The following SLC24A3 variants were observed in gnomAD, a reference collection of about 807,000 sequenced individuals.
SLC24A3 encodes sodium/potassium/calcium exchanger 3.
SLC24A3 carries 28 observed loss-of-function variants against 75.8 expected under a neutral mutation model. The ratio of observed to expected loss-of-function variants is 0.37; its 90% CI spans 0.27 to 0.51. The LOEUF (loss-of-function observed/expected upper bound fraction) is 0.51. Among genes scored for constraint, SLC24A3 ranks in the 20% least tolerant of loss-of-function variants. The pLI, the probability that SLC24A3 is intolerant of heterozygous loss-of-function variation, is 0.94. For synonymous variants in SLC24A3, 372 were observed against 334.1 expected, an observed-to-expected ratio of 1.11 and a Z score of -1.24; for missense variants, 663 against 847.8, an observed-to-expected ratio of 0.78 and a Z score of 2.71.
intron 15 of SLC24A3, among the ~76,000 whole-genome samples, chr20:19,703,426 C>A (rs1232414233): frequency 6.6e-6 from 1 of 152,198 alleles, no homozygotes; most frequent in African/African-American, 2.4e-5. Flanking sequence ...CCATCTGACA[C>A]ATAGAAGGAC....
intron 1 of SLC24A3, chr20:19,265,657 C>G (rs1054834250): frequency 4.6e-5 from 7 of 152,274 alleles, no homozygotes; most frequent in African/African-American, 1.7e-4. Flanking sequence ...ATTAGTCTGG[C>G]TTCAGGTATC....
chr20:19,528,272 G>A (rs1363239460), intron 3 of SLC24A3, among the ~76,000 whole-genome samples: 2 of 152,148 alleles, frequency 1.3e-5, no homozygotes, highest in African/African-American at 4.8e-5. Flanking sequence ...CAAAGTGCTG[G>A]TTCAGGGGAC....
intron 2 of SLC24A3, among the ~76,000 whole-genome samples, chr20:19,343,079 A>G (rs1985308536): frequency 6.7e-6 from 1 of 148,890 alleles, no homozygotes. Context: ...CAAAAAAAAA[A>G]AAAAAGAAAA....
intron 2 of SLC24A3, among the ~76,000 whole-genome samples, chr20:19,308,893 C>T (rs963906347): frequency 4.6e-5 from 7 of 152,138 alleles, no homozygotes; most frequent in African/African-American, 7.2e-5. Context: ...TCTCTGCAAA[C>T]GCCAGGCCAT....
rs145859209 is a variant in SLC24A3 at position 19,498,256 on chromosome 20, G to A, written c.272-17232G>A. On this transcript the variant is annotated intron_variant, in intron 2 of 16. Coordinates refer to ENST00000328041, the MANE Select transcript of SLC24A3 (RefSeq NM_020689.4). ...TAATTATTTCATTATATATTACAAA[G>A]TAATAATAATAGAAATAAAGTACAC... Among the ~76,000 whole-genome samples, 581 of 152,242 alleles carry A rather than the reference G, an allele frequency of 3.8e-3. 4 individuals carry two copies. The highest frequency in any genetic ancestry group is 0.013 in the African/African-American group (550 of 41,532).
At position 19,282,562 on chromosome 20, in the gene SLC24A3, C is replaced by A. The variant is rs534848444; in HGVS notation, c.271+1475C>A. 5.2e-5 allele frequency among the ~76,000 whole-genome samples: 8 copies of A among 152,384 alleles called. No homozygotes were observed. The East Asian group carries it at 1.5e-3, about 29-fold the overall frequency. On this transcript the variant is annotated intron_variant, in intron 2 of 16. Coordinates refer to ENST00000328041, the MANE Select transcript of SLC24A3 (RefSeq NM_020689.4). The stretch of plus-strand genomic sequence containing the variant: ...GCCTGAAAAGGCATAGCAGGGAAGG[C>A]ACAGCTTCTGTGCCAAGAACAGATC...
At chr20:19,416,551 C>G (rs992707137) in intron 2 of SLC24A3, among the ~76,000 whole-genome samples, 1 of 152,158 alleles carries the variant, frequency 6.6e-6, no homozygotes, top group Admixed American at 6.5e-5. Context: ...GTGGCTCTGC[C>G]CAAGGACACC....
At chr20:19,659,838 C>T (rs922886290) in intron 7 of SLC24A3, among the ~76,000 whole-genome samples, 4 of 152,232 alleles carry the variant, frequency 2.6e-5, no homozygotes, top group African/African-American at 9.6e-5. Flanking sequence ...CTGTTAGAGA[C>T]GAGGGTTACC....
intron 2 of SLC24A3, among the ~76,000 whole-genome samples, chr20:19,285,065 C>T (rs1983774778): frequency 6.6e-6 from 1 of 152,216 alleles, no homozygotes. Flanking sequence ...CTCCCTTTCT[C>T]TCTGTCTGAA....
At chr20:19,594,135 A>G (rs796951198) in intron 6 of SLC24A3, among the ~76,000 whole-genome samples, 5 of 152,330 alleles carry the variant, frequency 3.3e-5, no homozygotes, top group African/African-American at 1.2e-4. Context: ...CCCTGGTAAA[A>G]GGGCACACAG....
intron 3 of SLC24A3, among the ~76,000 whole-genome samples, chr20:19,524,853 T>C (rs1242727622): frequency 6.6e-6 from 1 of 152,244 alleles, no homozygotes; most frequent in African/African-American, 2.4e-5. Flanking sequence ...GAGGTACTAC[T>C]ATTTGGAATG....
At chr20:19,689,027 G>T (rs6035411) in intron 12 of SLC24A3, among the ~76,000 whole-genome samples, 52,435 of 151,900 alleles carry the variant, frequency 0.35, 9,868 homozygotes, top group African/African-American at 0.49. Flanking sequence ...ACATATAAAC[G>T]TGCAGCTATT....
In SLC24A3 at chr20:19,584,964, T is replaced by C. The variant is rs757222257; in HGVS notation, c.424-7T>C. The C allele has an allele frequency of 6.2e-7, 1 of 1,612,312 alleles. No homozygotes were observed. Among genetic ancestry groups the C allele is most frequent in the South Asian group, 1.1e-5 (1 of 90,978 alleles). On this transcript the variant is annotated splice_region_variant and splice_polypyrimidine_tract_variant and intron_variant, in intron 4 of 16. Coordinates refer to ENST00000328041, the MANE Select transcript of SLC24A3 (RefSeq NM_020689.4). ...CTCACCTGTGCTTTGTCTTTGCTCC[T>C]CTGTAGCGCCTGCACCTCAGTGAAG...
intron 6 of SLC24A3, among the ~76,000 whole-genome samples, chr20:19,588,392 T>C (rs2031329163): frequency 6.6e-6 from 1 of 152,246 alleles, no homozygotes; most frequent in Non-Finnish European, 1.5e-5. Flanking sequence ...GGGTTGCACA[T>C]GACCAAGTCT....
intron 3 of SLC24A3, among the ~76,000 whole-genome samples, chr20:19,546,962 T>C (rs2122594216): frequency 6.6e-6 from 1 of 152,272 alleles, no homozygotes; most frequent in Non-Finnish European, 1.5e-5. Flanking sequence ...CTTTGGAAAA[T>C]TAACTACTGC....
At chr20:19,702,370 A>G (rs1456516359) in intron 15 of SLC24A3, among the ~76,000 whole-genome samples, 2 of 152,236 alleles carry the variant, frequency 1.3e-5, no homozygotes, top group Non-Finnish European at 2.9e-5. Flanking sequence ...TCACCTGAAG[A>G]TGACATAATT....
intron 4 of SLC24A3, among the ~76,000 whole-genome samples, chr20:19,581,228 G>A (rs1411872336): frequency 2.0e-5 from 3 of 152,278 alleles, no homozygotes; most frequent in East Asian, 1.9e-4. Context: ...CTGAGAGTGG[G>A]GTCACCTTAT....
intron 6 of SLC24A3, among the ~76,000 whole-genome samples, chr20:19,634,696 C>G (rs1214159771): frequency 6.6e-6 from 1 of 151,868 alleles, no homozygotes; most frequent in African/African-American, 2.4e-5. Context: ...ACAGTGAAAA[C>G]TAATCTACAG....
At chr20:19,263,314 A>G (rs970960732) in intron 1 of SLC24A3, among the ~76,000 whole-genome samples, 4 of 152,152 alleles carry the variant, frequency 2.6e-5, no homozygotes, top group African/African-American at 9.7e-5. Context: ...AATGAGACAG[A>G]AGCCCTCAGC....
Sources: gnomAD v4.1 joint callset for allele counts (sites outside exome capture counted in the v4.1 genomes callset) on GRCh38, gnomAD v4.1.1 for gene constraint, MANE v1.5 for transcripts, NCBI Gene and HGNC (gene_info 2026-07-23, HGNC 2026-07-21) for gene names.